ABHD2: variants seen among roughly 807,000 people sequenced by gnomAD.
ABHD2 encodes abhydrolase domain containing 2, acylglycerol lipase.
ABHD2 carries 20 observed loss-of-function variants against 48.1 expected under a neutral mutation model. The observed-to-expected ratio is 0.42, with a 90% CI of 0.29 to 0.60. ABHD2 has a LOEUF of 0.60. Ranked by LOEUF, ABHD2 falls within the 20% of genes least tolerant of loss-of-function variation. The pLI is 0.24. For missense variants in ABHD2, 405 were observed against 550.9 expected (o/e 0.74, Z 2.65); for synonymous variants, 209 against 214.2 (o/e 0.98, Z 0.21).
chr15:89,202,016 T>A lies in ABHD2; in HGVS notation c.*6593T>A, dbSNP rs1400361761. ...ATTTTGTTTTGTTTTGTTTGGGTTT[T>A]CTGAAACTTAAAATGCTGCCCCGAA... On this transcript the variant is annotated 3_prime_UTR_variant, in exon 11 of 11. Coordinates refer to ENST00000352732, the MANE Select transcript of ABHD2 (RefSeq NM_152924.5). 2 of 426,118 alleles carry A rather than the reference T, an allele frequency of 4.7e-6. No homozygotes were observed. Among genetic ancestry groups the A allele is most frequent in the East Asian group, 9.2e-5 (2 of 21,690 alleles). 26.4% of individuals were successfully genotyped at this position (426,118 alleles called of 1,614,324 possible).
rs2050965037 is a variant in ABHD2 at position 89,173,679 on chromosome 15, G to C, written c.539-2133G>C. On this transcript the variant is annotated intron_variant, in intron 5 of 10. Transcript: ENST00000352732. The surrounding 1 kb of genome is among the most constrained non-coding windows in gnomAD (Gnocchi z 6.5). ...AGAGTTCAAGGATCCTTCTGGACCA[G>C]GTTTTTGTTCCTTCCCTGTCCTCAG... Among the ~76,000 whole-genome samples, 1 of 152,222 alleles carries C rather than the reference G, an allele frequency of 6.6e-6. No individual in the cohort carries two copies. The highest frequency in any genetic ancestry group is 6.5e-5 in the Admixed American group (1 of 15,284).
rs1298567778 is a variant in ABHD2, at chr15:89,102,425, G to C, written c.-106-11300G>C. 1 of 152,240 alleles carries C rather than the reference G, an allele frequency of 6.6e-6. No individual in the cohort carries two copies. The highest frequency in any genetic ancestry group is 1.5e-5 in the Non-Finnish European group (1 of 68,060). The allele number at this position is 152,240 out of a possible 1,614,324, so 9.4% of individuals were successfully genotyped here. ...TTAGAGTGATGTCTTTCGTCCCTGT[G>C]GGGAGTGAGGTGGAATGTCAGGAGG... On this transcript the variant is annotated intron_variant, in intron 1 of 10. Transcript: ENST00000352732. This position sits in a 1 kb window ranked among gnomAD's most constrained non-coding sequence, Gnocchi z 4.8.
At chr15:89,117,887 G>A (rs528913689) in intron 3 of ABHD2, among the ~76,000 whole-genome samples, 3 of 152,268 alleles carry the variant, frequency 2.0e-5, no homozygotes, top group South Asian at 4.2e-4. Context: ...GGTGTACATG[G>A]GCGGTATTCT....
chr15:89,183,472 G>A (rs537444897), intron 6 of ABHD2: 1 of 140,432 alleles, frequency 7.1e-6, no homozygotes, highest in African/African-American at 2.6e-5. Flanking sequence ...ATAAATTTAA[G>A]TTTCAATTCC....
the ABHD2 span, among the ~76,000 whole-genome samples, chr15:89,053,671 G>A: frequency 6.6e-6 from 1 of 152,216 alleles, no homozygotes; most frequent in Non-Finnish European, 1.5e-5. Flanking sequence ...GAGGAGGGGA[G>A]AATGGAGACA....
At chr15:89,129,044 G>C (rs1031232966) in intron 3 of ABHD2, among the ~76,000 whole-genome samples, 1 of 152,176 alleles carries the variant, frequency 6.6e-6, no homozygotes, top group African/African-American at 2.4e-5. Context: ...GACAGAAATA[G>C]GGAAGTCTAA....
In ABHD2 at chr15:89,185,928, A is replaced by G. The variant is rs751306611; in HGVS notation, c.815+412A>G. Among the ~76,000 whole-genome samples the G allele has an allele frequency of 1.4e-4, 21 of 152,306 alleles. No individual in the cohort carries two copies. Among genetic ancestry groups the G allele is most frequent in the African/African-American group, 2.6e-4 (11 of 41,584 alleles). ...GCTGCAGCGAGCCAAGATTGCGCCA[A>G]TGCACCCCAGCCTGGGTGACAGAGC... is the stretch of plus-strand genomic sequence containing the variant. On this transcript the variant is annotated intron_variant, in intron 7 of 10. Coordinates refer to ENST00000352732, the MANE Select transcript of ABHD2 (RefSeq NM_152924.5). The surrounding 1 kb of genome is among the most constrained non-coding windows in gnomAD (Gnocchi z 5.9).
chr15:89,132,597 ATTTC>A (rs528209787), intron 3 of ABHD2, among the ~76,000 whole-genome samples: 143 of 152,298 alleles, frequency 9.4e-4, no homozygotes, highest in African/African-American at 3.1e-3. Context: ...TAAGCTTCTA[ATTTC>A]TTATAGCTAT....
the ABHD2 span, among the ~76,000 whole-genome samples, chr15:89,068,550 C>T: frequency 6.6e-6 from 1 of 152,286 alleles, no homozygotes; most frequent in Non-Finnish European, 1.5e-5. Flanking sequence ...CATGTGTTCT[C>T]TCCACACGGG....
intron 1 of ABHD2, among the ~76,000 whole-genome samples, chr15:89,107,765 C>A (rs1274498918): frequency 2.0e-5 from 3 of 152,056 alleles, no homozygotes; most frequent in Admixed American, 6.6e-5. Flanking sequence ...CAGAGAAATC[C>A]TTTAGGGGTT....
intron 3 of ABHD2, among the ~76,000 whole-genome samples, chr15:89,129,353 A>G (rs960980495): frequency 5.9e-5 from 9 of 152,164 alleles, no homozygotes; most frequent in African/African-American, 2.2e-4. Flanking sequence ...AACATTGAAG[A>G]GGGTGTCAGA....
chr15:89,043,909 T>A, the ABHD2 span, among the ~76,000 whole-genome samples: 1 of 152,092 alleles, frequency 6.6e-6, no homozygotes, highest in South Asian at 2.1e-4. Flanking sequence ...TTTAATTTTT[T>A]ATTATTATTA....
rs2050588219 is a variant in ABHD2 at position 89,151,328 on chromosome 15, G to A, written c.195-349G>A. 6.6e-6 allele frequency among the ~76,000 whole-genome samples: 1 copy of A among 152,184 alleles called. No homozygotes were observed. Among genetic ancestry groups the A allele is most frequent in the Non-Finnish European group, 1.5e-5 (1 of 68,034 alleles). On this transcript the variant is annotated intron_variant, in intron 3 of 10. Coordinates refer to ENST00000352732, the MANE Select transcript of ABHD2 (RefSeq NM_152924.5). This position sits in a 1 kb window ranked among gnomAD's most constrained non-coding sequence, Gnocchi z 4.7. ...TATACATCAGCTCCTTTAATAATGAGCTAACCTGTCAAGTTAGAATGTGTT... is the reference window on the plus strand; with the variant it reads ...TATACATCAGCTCCTTTAATAATGAACTAACCTGTCAAGTTAGAATGTGTT...
the ABHD2 span, among the ~76,000 whole-genome samples, chr15:89,056,908 C>CTTTT: frequency 3.4e-4 from 30 of 87,444 alleles, no homozygotes; most frequent in Non-Finnish European, 4.8e-4. Context: ...TAAGTGATAC[C>CTTTT]TTTTTTTTTT....
chr15:89,166,865 G>C lies in ABHD2; in HGVS notation c.539-8947G>C, dbSNP rs776165607. Among the ~76,000 whole-genome samples, 14 of 152,038 alleles carry C rather than the reference G, an allele frequency of 9.2e-5. No individual in the cohort carries two copies. The highest frequency in any genetic ancestry group is 1.8e-4 in the Non-Finnish European group (12 of 68,004). ...ACCTCAAGGTAAGGTCAGAAAACTTGGTCTTGCTTAGAGGACGGGACTTCA... is the reference window on the plus strand; with the variant it reads ...ACCTCAAGGTAAGGTCAGAAAACTTCGTCTTGCTTAGAGGACGGGACTTCA... On this transcript the variant is annotated intron_variant, in intron 5 of 10. Coordinates refer to ENST00000352732, the MANE Select transcript of ABHD2 (RefSeq NM_152924.5). This position sits in a 1 kb window ranked among gnomAD's most constrained non-coding sequence, Gnocchi z 4.6.
rs2049580570 is a variant in ABHD2, at chr15:89,094,522, A to G, written c.-107+5959A>G. Among the ~76,000 whole-genome samples, 2 of 152,032 alleles carry G rather than the reference A, an allele frequency of 1.3e-5. No individual in the cohort carries two copies. The highest frequency in any genetic ancestry group is 4.8e-5 in the African/African-American group (2 of 41,470). ...CAGGAGTTTGAGATCTGCCTGATCA[A>G]CATGGTGAAACCCCGTCTCTACTAA... On this transcript the variant is annotated intron_variant, in intron 1 of 10. Transcript: ENST00000352732. This position sits in a 1 kb window ranked among gnomAD's most constrained non-coding sequence, Gnocchi z 4.7.
At chr15:89,145,186 G>T (rs1229100506) in intron 3 of ABHD2, among the ~76,000 whole-genome samples, 1 of 152,202 alleles carries the variant, frequency 6.6e-6, no homozygotes, top group Non-Finnish European at 1.5e-5. Flanking sequence ...AACCCAGGAG[G>T]TGAAGGTTGC....
At chr15:89,181,323 T>C (rs971661388) in intron 6 of ABHD2, among the ~76,000 whole-genome samples, 2 of 151,402 alleles carry the variant, frequency 1.3e-5, no homozygotes, top group Non-Finnish European at 2.9e-5. Flanking sequence ...AGGCAAAACC[T>C]GGAAAGAAAT....
In ABHD2 at chr15:89,150,931, A is replaced by T. The variant is rs747800232; in HGVS notation, c.195-746A>T. 3.9e-5 allele frequency among the ~76,000 whole-genome samples: 6 copies of T among 152,348 alleles called. No individual in the cohort carries two copies. In the East Asian group the frequency reaches 9.6e-4, roughly 24 times the overall value. ...TAATCATTTCTTAGTTGTAACTTGG[A>T]TCATCTTCTTTTCCTGGTAATTAAC... On this transcript the variant is annotated intron_variant, in intron 3 of 10. Transcript: ENST00000352732.
Sources: allele counts gnomAD v4.1 joint callset (sites outside exome capture counted in the v4.1 genomes callset), GRCh38; gene constraint gnomAD v4.1.1; non-coding constraint Gnocchi (gnomAD v3.1); transcripts MANE v1.5; gene names NCBI Gene and HGNC (gene_info 2026-07-23, HGNC 2026-07-21).